DLGAP2: variants seen among roughly 807,000 people sequenced by gnomAD.
The protein encoded by DLGAP2 is disks large-associated protein 2.
Under a neutral mutation model 100.3 loss-of-function variants are expected in DLGAP2, and 26 were observed. The ratio of observed to expected loss-of-function variants is 0.26; its 90% CI spans 0.19 to 0.36. DLGAP2 has a LOEUF of 0.36. Among genes scored for constraint, DLGAP2 ranks in the 10% least tolerant of loss-of-function variants. DLGAP2 has a pLI of 1.00. For synonymous variants in DLGAP2, 886 were observed against 630.1 expected (o/e 1.41, Z -6.08); for missense variants, 1,858 against 1,453.2 (o/e 1.28, Z -4.53).
chr8:1,125,755 C>G (rs17065690), intron 2 of DLGAP2, among the ~76,000 whole-genome samples: 22,204 of 152,198 alleles, frequency 0.15, 2,348 homozygotes, highest in African/African-American at 0.29. Context: ...GTTACTGAAA[C>G]CAGTGTTTGG....
intron 3 of DLGAP2, among the ~76,000 whole-genome samples, chr8:1,318,889 A>G (rs1047059232): frequency 6.6e-6 from 1 of 150,820 alleles, no homozygotes; most frequent in Non-Finnish European, 1.5e-5. Flanking sequence ...ACCACTTAGA[A>G]GGGTCCAGTG....
chr8:1,641,944 C>A (rs1370105008), intron 8 of DLGAP2, among the ~76,000 whole-genome samples: 1 of 123,054 alleles, frequency 8.1e-6, no homozygotes, highest in African/African-American at 3.8e-5. Context: ...TCGACCCCGC[C>A]GGTCCTCACC....
chr8:1,094,142 C>A (rs1009762733), intron 2 of DLGAP2, among the ~76,000 whole-genome samples: 1 of 152,098 alleles, frequency 6.6e-6, no homozygotes, highest in African/African-American at 2.4e-5. Flanking sequence ...GCAGTTTGTG[C>A]TTCTTGATGC....
At chr8:1,091,794 TCCTACC>T (rs1804190848) in intron 2 of DLGAP2, among the ~76,000 whole-genome samples, 1 of 144,096 alleles carries the variant, frequency 6.9e-6, no homozygotes, top group Admixed American at 7.0e-5. Flanking sequence ...CTCTCCCCAC[TCCTACC>T]CCTCCGCAGC....
chr8:1,635,764 A>T (rs1007668964), intron 8 of DLGAP2, among the ~76,000 whole-genome samples: 1 of 152,222 alleles, frequency 6.6e-6, no homozygotes, highest in Non-Finnish European at 1.5e-5. Context: ...ATAAATATTG[A>T]ATATATGCAT....
chr8:1,043,370 A>T (rs1166177264), intron 2 of DLGAP2, among the ~76,000 whole-genome samples: 1 of 116,974 alleles, frequency 8.5e-6, no homozygotes, highest in Non-Finnish European at 1.8e-5. Context: ...TGGGTGGTGG[A>T]CGTGGCTGGC....
intron 1 of DLGAP2, among the ~76,000 whole-genome samples, chr8:879,462 G>C (rs1255429587): frequency 6.6e-6 from 1 of 152,182 alleles, no homozygotes; most frequent in African/African-American, 2.4e-5. Flanking sequence ...TTGAGCGCTA[G>C]GCTCAGTTTG....
chr8:803,709 G>C (rs1288683449), intron 1 of DLGAP2, among the ~76,000 whole-genome samples: 1 of 152,230 alleles, frequency 6.6e-6, no homozygotes, highest in Non-Finnish European at 1.5e-5. Context: ...AGGAGTGGTT[G>C]GGTCAAAGGG....
intron 3 of DLGAP2, among the ~76,000 whole-genome samples, chr8:1,270,768 GTC>G (rs1308413783): frequency 1.3e-5 from 2 of 151,306 alleles, no homozygotes; most frequent in Non-Finnish European, 2.9e-5. Flanking sequence ...CTCTCTGTGT[GTC>G]TCTCTGTGTG....
At chr8:1,103,020 G>C (rs1369320223) in intron 2 of DLGAP2, among the ~76,000 whole-genome samples, 1 of 151,472 alleles carries the variant, frequency 6.6e-6, no homozygotes, top group African/African-American at 2.4e-5. Context: ...TGAGTCTCTG[G>C]AGTCTCTGTG....
chr8:1,136,134 A>G (rs1038793730), intron 2 of DLGAP2, among the ~76,000 whole-genome samples: 1 of 152,138 alleles, frequency 6.6e-6, no homozygotes, highest in Non-Finnish European at 1.5e-5. Context: ...GGAAGCTGCC[A>G]GGTAGAAGTA....
At chr8:1,209,226 G>A (rs1377801876) in intron 2 of DLGAP2, among the ~76,000 whole-genome samples, 1 of 152,112 alleles carries the variant, frequency 6.6e-6, no homozygotes, top group Non-Finnish European at 1.5e-5. Flanking sequence ...GAATCTGGAG[G>A]CATCACATTA....
rs546422930 is a variant in DLGAP2 at position 911,465 on chromosome 8, A to G, written c.73+3499A>G. Among the ~76,000 whole-genome samples the G allele has an allele frequency of 1.1e-4, 16 of 152,048 alleles. No individual in the cohort carries two copies. The South Asian group carries it at 3.1e-3, about 30-fold the overall frequency. On this transcript the variant is annotated intron_variant, in intron 2 of 14. Transcript: ENST00000637795. ...ATAATGTATGTTGGAAGGATGCTGG[A>G]GAATGTTGGAAGGATGCTGGAGAAC...
At position 1,549,390 on chromosome 8, in the gene DLGAP2, A is replaced by G. The variant is rs1217784677; in HGVS notation, c.937A>G (p.Ser313Gly). Residue 313 changes from serine to glycine, a missense_variant, in exon 5 of 15, where the codon AGC becomes GGC. Transcript: ENST00000637795. ...LDSDSTYRTP[S>G]VLNRHHLGPV... The stretch of plus-strand genomic sequence containing the variant: ...CAGCGACAGCACCTATCGGACGCCC[A>G]GCGTGCTCAACCGGCACCACCTGGG... 6.2e-7 allele frequency: 1 copy of G among 1,613,446 alleles called. No individual in the cohort carries two copies.
intron 3 of DLGAP2, among the ~76,000 whole-genome samples, chr8:1,390,545 T>A (rs1796325351): frequency 6.6e-6 from 1 of 152,154 alleles, no homozygotes; most frequent in Non-Finnish European, 1.5e-5. Flanking sequence ...TCTGTCGAGC[T>A]GTGTGCTCCT....
Position 1,457,671 on chromosome 8 carries a change from C to A in DLGAP2, c.107-43695C>A, listed in dbSNP as rs559337219. ...CAATTTTTCCTCACTATGTTAATTGCCATATTTCTCTTCCCTCTAATGCAA... is the reference window on the plus strand; with the variant it reads ...CAATTTTTCCTCACTATGTTAATTGACATATTTCTCTTCCCTCTAATGCAA... On this transcript the variant is annotated intron_variant, in intron 3 of 14. Coordinates refer to ENST00000637795, the MANE Select transcript of DLGAP2 (RefSeq NM_001346810.2). Among the ~76,000 whole-genome samples the A allele has an allele frequency of 2.0e-5, 3 of 152,112 alleles. No individual in the cohort carries two copies. In the South Asian group the frequency reaches 6.2e-4, roughly 32 times the overall value.
At chr8:1,260,575 C>A (rs768805297) in intron 3 of DLGAP2, among the ~76,000 whole-genome samples, 1 of 151,930 alleles carries the variant, frequency 6.6e-6, no homozygotes, top group Non-Finnish European at 1.5e-5. Flanking sequence ...GTAAATCACC[C>A]CGGAGTCCTG....
intron 2 of DLGAP2, among the ~76,000 whole-genome samples, chr8:1,028,823 A>C (rs146060055): frequency 6.6e-6 from 1 of 152,180 alleles, no homozygotes; most frequent in Non-Finnish European, 1.5e-5. Context: ...CATTTTCAGA[A>C]GCTCCCTCAG....
intron 5 of DLGAP2, among the ~76,000 whole-genome samples, chr8:1,554,581 C>T (rs1339338588): frequency 6.6e-6 from 1 of 152,160 alleles, no homozygotes. Context: ...CCTCCTGAGC[C>T]CGGGTCCTGT....
Sources: gnomAD v4.1 joint callset for allele counts (sites outside exome capture counted in the v4.1 genomes callset) on GRCh38, gnomAD v4.1.1 for gene constraint, MANE v1.5 for transcripts, NCBI Gene and HGNC (gene_info 2026-07-23, HGNC 2026-07-21) for gene names.